Variants in KIF13B observed in about 807,000 individuals in gnomAD.
The protein encoded by KIF13B is kinesin-like protein KIF13B.
KIF13B carries 127 observed loss-of-function variants against 222.0 expected under a neutral mutation model. The observed-to-expected ratio is 0.57, with a 90% CI of 0.50 to 0.66. KIF13B has a LOEUF of 0.66. Among genes scored for constraint, KIF13B ranks in the 30% least tolerant of loss-of-function variants. The pLI is 0.00. For synonymous variants in KIF13B, 976 were observed against 919.0 expected (o/e 1.06, Z -1.12); for missense variants, 2,173 against 2,379.0 (o/e 0.91, Z 1.80).
chr8:29,163,648 C>T (rs20517), intron 12 of KIF13B, among the ~76,000 whole-genome samples: 130,432 of 152,198 alleles, frequency 0.86, 56,494 homozygotes, highest in Non-Finnish European at 0.9. Context: ...GACCAGGTTT[C>T]TTCAATGAGA....
At chr8:29,240,718 C>T (rs1815737566) in intron 2 of KIF13B, among the ~76,000 whole-genome samples, 1 of 152,184 alleles carries the variant, frequency 6.6e-6, no homozygotes, top group African/African-American at 2.4e-5. Flanking sequence ...GCTTGGACAG[C>T]ACTATGTTTG....
chr8:29,070,317 A>C lies in KIF13B; in HGVS notation c.*187T>G. ...GAGGCACAGTTGAGGCCCCCACTTT[A>C]CCCGGGTACAGAAGAAACAAAGCTT... is the stretch of plus-strand genomic sequence containing the variant. On this transcript the variant is annotated 3_prime_UTR_variant, in exon 40 of 40. Coordinates refer to ENST00000524189, the MANE Select transcript of KIF13B (RefSeq NM_015254.4). This position sits in a 1 kb window ranked among gnomAD's most constrained non-coding sequence, Gnocchi z 4.1. 4 of 631,494 alleles carry C rather than the reference A, an allele frequency of 6.3e-6. No individual in the cohort carries two copies. The highest frequency in any genetic ancestry group is 1.1e-5 in the Non-Finnish European group (4 of 372,096). The allele number at this position is 631,494 out of a possible 1,614,324, so 39.1% of individuals were successfully genotyped here.
intron 2 of KIF13B, among the ~76,000 whole-genome samples, chr8:29,231,607 C>A (rs528917259): frequency 6.6e-6 from 1 of 152,224 alleles, no homozygotes; most frequent in East Asian, 1.9e-4. Flanking sequence ...ACCAAGTCAG[C>A]CAATCTTCTC....
chr8:29,106,200 G>A (rs971009600), intron 35 of KIF13B, among the ~76,000 whole-genome samples: 2 of 152,168 alleles, frequency 1.3e-5, no homozygotes, highest in Non-Finnish European at 2.9e-5. Context: ...GTACAAACAA[G>A]CATTAAACTT....
At chr8:29,257,341 T>C (rs984233953) in intron 1 of KIF13B, among the ~76,000 whole-genome samples, 4 of 150,618 alleles carry the variant, frequency 2.7e-5, no homozygotes, top group African/African-American at 7.3e-5. Context: ...GAGTTTTTGT[T>C]TTTTTTTTTA....
chr8:29,191,596 T>A (rs1813190599), intron 3 of KIF13B, among the ~76,000 whole-genome samples: 1 of 152,232 alleles, frequency 6.6e-6, no homozygotes, highest in Non-Finnish European at 1.5e-5. Context: ...TAGAGTATGA[T>A]TCCATATTTG....
rs914014662 is a variant in KIF13B, at chr8:29,068,597, G to C, written c.*1907C>G. The C allele has an allele frequency of 6.6e-6, 1 of 152,294 alleles. No homozygotes were observed. Among genetic ancestry groups the C allele is most frequent in the Non-Finnish European group, 1.5e-5 (1 of 68,114 alleles). 9.4% of individuals were successfully genotyped at this position (152,294 alleles called of 1,614,324 possible). A position where few individuals can be genotyped will look rare whatever the true frequency, so the allele number is the denominator to read the frequency against. ...TACAGGAGGCCGCTGCTGGGTGGAT[G>C]GCTCAGCCACCACGAAGTGCCAGGT... On this transcript the variant is annotated 3_prime_UTR_variant, in exon 40 of 40. Transcript: ENST00000524189. This position sits in a 1 kb window ranked among gnomAD's most constrained non-coding sequence, Gnocchi z 4.4.
intron 29 of KIF13B, among the ~76,000 whole-genome samples, chr8:29,121,334 C>T (rs1215644566): frequency 9.9e-4 from 56 of 56,444 alleles, no homozygotes; most frequent in Non-Finnish European, 1.6e-3. Flanking sequence ...ACCAAAACAG[C>T]ATGGTACTGG....
intron 13 of KIF13B, among the ~76,000 whole-genome samples, chr8:29,160,231 A>G (rs1352597054): frequency 1.3e-5 from 2 of 152,228 alleles, no homozygotes; most frequent in African/African-American, 4.8e-5. Context: ...GTCTCTAAAT[A>G]ACCTATACTC....
rs1809255139 is a variant in KIF13B, at chr8:29,109,529, TAC to T, written c.4084-20_4084-19del. On this transcript the variant is annotated intron_variant, in intron 33 of 39. Transcript: ENST00000524189. ...GCAACTTCCTGTGAATCAGAAAACATACAGAGGAAAAAGACATGTAAGAGACA... is the reference window on the plus strand; with the variant it reads ...GCAACTTCCTGTGAATCAGAAAACATAGAGGAAAAAGACATGTAAGAGACA... 6.2e-7 allele frequency: 1 copy of T among 1,608,174 alleles called. No homozygotes were observed. Among genetic ancestry groups the T allele is most frequent in the South Asian group, 1.1e-5 (1 of 90,922 alleles).
At chr8:29,214,543 C>A (rs1814388769) in intron 2 of KIF13B, among the ~76,000 whole-genome samples, 1 of 152,164 alleles carries the variant, frequency 6.6e-6, no homozygotes, top group Non-Finnish European at 1.5e-5. Flanking sequence ...ATAACAGTGC[C>A]TTCTTTTGTA....
chr8:29,125,635 G>A lies in KIF13B; in HGVS notation c.3252+847C>T, dbSNP rs112370461. ...TGCAAAACCAGGAAAGTGACTACAC[G>A]GATGACATAATCAGGCTCCAAAGAG... On this transcript the variant is annotated intron_variant, in intron 26 of 39. Transcript: ENST00000524189. 7.2e-3 allele frequency among the ~76,000 whole-genome samples: 1,102 copies of A among 152,112 alleles called. 10 individuals are homozygous for A. The highest frequency in any genetic ancestry group is 0.025 in the African/African-American group (1,019 of 41,486).
chr8:29,131,792 C>CT (rs1810356214), intron 23 of KIF13B, among the ~76,000 whole-genome samples: 1 of 152,240 alleles, frequency 6.6e-6, no homozygotes, highest in Non-Finnish European at 1.5e-5. Flanking sequence ...ACAAATTGAA[C>CT]TTTCTTCCAT....
chr8:29,092,965 A>G, intron 36 of KIF13B, 87 bp from the exon 37 acceptor site: 1 of 1,246,292 alleles, frequency 8.0e-7, no homozygotes, highest in South Asian at 1.9e-5. Context: ...ATCACTTGTC[A>G]GCAAATCTAA....
chr8:29,072,025 C>A lies in KIF13B; in HGVS notation c.4813G>T (p.Ala1605Ser). 1 of 1,294,808 alleles carries A rather than the reference C, an allele frequency of 7.7e-7. No homozygotes were observed. The highest frequency in any genetic ancestry group is 3.2e-5 in the East Asian group (1 of 31,490). The allele number at this position is 1,294,808 out of a possible 1,614,324, so 80.2% of individuals were successfully genotyped here. A position where few individuals can be genotyped will look rare whatever the true frequency, so the allele number is the denominator to read the frequency against. ...MPTAPEAEPE[A>S]PISHPPPPTA... ...GGCGGTGGGGGGTGGCTGATGGGCG[C>A]CTCGGGCTCGGCCTCAGGGGCGGTG... The change falls in exon 39 of 40, where the codon GCG becomes TCG. Residue 1605 changes from alanine to serine, a missense_variant. Around this residue, in one of 2 missense-constraint regions of KIF13B, gnomAD observed 693 missense variants for 656.2 expected, o/e 1.06. Transcript: ENST00000524189.
intron 2 of KIF13B, among the ~76,000 whole-genome samples, chr8:29,216,021 G>A (rs187692226): frequency 8.7e-4 from 133 of 152,210 alleles, no homozygotes; most frequent in African/African-American, 2.9e-3. Context: ...CTTTCCCAGC[G>A]GAGATGAAGG....
intron 1 of KIF13B, among the ~76,000 whole-genome samples, chr8:29,262,664 G>T (rs923382720): frequency 6.6e-6 from 1 of 151,110 alleles, no homozygotes. Flanking sequence ...GGCCGAGGGC[G>T]CCCTCGGGAA....
At chr8:29,187,054 G>A (rs530320085) in intron 5 of KIF13B, among the ~76,000 whole-genome samples, 1 of 151,814 alleles carries the variant, frequency 6.6e-6, no homozygotes, top group African/African-American at 2.4e-5. Context: ...GAAATAGTGA[G>A]GTCTAAAAGT....
chr8:29,258,231 C>A (rs1816558271), intron 1 of KIF13B, among the ~76,000 whole-genome samples: 1 of 152,192 alleles, frequency 6.6e-6, no homozygotes, highest in Admixed American at 6.5e-5. Flanking sequence ...AGCTTCCTCG[C>A]ACTTGCTGGG....
Sources: allele counts gnomAD v4.1 joint callset (sites outside exome capture counted in the v4.1 genomes callset), GRCh38; gene constraint gnomAD v4.1.1; regional missense constraint gnomAD v4.1.1; non-coding constraint Gnocchi (gnomAD v3.1); transcripts MANE v1.5; gene names NCBI Gene and HGNC (gene_info 2026-07-23, HGNC 2026-07-21).